The following ARHGAP15 variants were observed in gnomAD, a reference collection of about 807,000 sequenced individuals.
ARHGAP15 encodes Rho GTPase activating protein 15.
In ARHGAP15, 51 loss-of-function variants were observed where a neutral mutation model predicts 63.7. The observed-to-expected ratio is 0.80, with a 90% CI of 0.64 to 1.01. ARHGAP15 has a LOEUF of 1.01. Among genes scored for constraint, ARHGAP15 ranks in the 50% least tolerant of loss-of-function variants. ARHGAP15 has a pLI of 0.00. For missense variants in ARHGAP15, 560 were observed against 564.6 expected (o/e 0.99, Z 0.08); for synonymous variants, 191 against 193.8 (o/e 0.99, Z 0.12).
intron 6 of ARHGAP15, among the ~76,000 whole-genome samples, chr2:143,259,771 A>G (rs1371462062): frequency 6.6e-6 from 1 of 152,142 alleles, no homozygotes; most frequent in Non-Finnish European, 1.5e-5. Flanking sequence ...AGATACTTGG[A>G]TATCTTTTGT....
intron 8 of ARHGAP15, among the ~76,000 whole-genome samples, chr2:143,481,262 G>A (rs1183283546): frequency 6.6e-6 from 1 of 152,082 alleles, no homozygotes; most frequent in African/African-American, 2.4e-5. Flanking sequence ...CTACACTGAT[G>A]TTGATCTCAA....
chr2:143,324,469 C>A (rs76016924), intron 6 of ARHGAP15, among the ~76,000 whole-genome samples: 4,071 of 152,256 alleles, frequency 0.027, 177 homozygotes, highest in African/African-American at 0.094. Flanking sequence ...GGAAGAAATA[C>A]TTATTAGTTT....
At chr2:143,648,029 A>T (rs1199400183) in intron 12 of ARHGAP15, among the ~76,000 whole-genome samples, 1 of 152,040 alleles carries the variant, frequency 6.6e-6, no homozygotes, top group Non-Finnish European at 1.5e-5. Context: ...CAGAGGATTG[A>T]TACTGCAGCA....
chr2:143,510,690 C>T (rs925804069), intron 9 of ARHGAP15, among the ~76,000 whole-genome samples: 6 of 152,218 alleles, frequency 3.9e-5, no homozygotes, highest in Non-Finnish European at 5.9e-5. Context: ...AGCCAGAAAC[C>T]TTAATCAATA....
rs371835361 is a variant in ARHGAP15 at position 143,694,915 on chromosome 2, AT to A, written c.1139-8503del. On this transcript the variant is annotated intron_variant, in intron 12 of 13. Coordinates refer to ENST00000295095, the MANE Select transcript of ARHGAP15 (RefSeq NM_018460.4). The stretch of plus-strand genomic sequence containing the variant: ...AATTCACATTTTTCTTAATTGTGAT[AT>A]AGATCCTAGTTGTTTTCAAGTGAGT... 3.1e-3 allele frequency among the ~76,000 whole-genome samples: 468 copies of A among 152,344 alleles called. 3 individuals are homozygous for A. The highest frequency in any genetic ancestry group is 0.014 in the Middle Eastern group (4 of 294).
intron 6 of ARHGAP15, among the ~76,000 whole-genome samples, chr2:143,325,771 T>C (rs1340751651): frequency 6.6e-6 from 1 of 152,162 alleles, no homozygotes; most frequent in Non-Finnish European, 1.5e-5. Context: ...TGAACAGTGC[T>C]TCTATGTTGG....
At chr2:143,290,837 G>A (rs952141955) in intron 6 of ARHGAP15, among the ~76,000 whole-genome samples, 1 of 152,128 alleles carries the variant, frequency 6.6e-6, no homozygotes, top group Non-Finnish European at 1.5e-5. Context: ...GGGAAACACA[G>A]ATTACTCACT....
intron 6 of ARHGAP15, among the ~76,000 whole-genome samples, chr2:143,352,843 T>A (rs2105318118): frequency 6.6e-6 from 1 of 152,338 alleles, no homozygotes; most frequent in East Asian, 1.9e-4. Context: ...TTCTTCCACA[T>A]CCTTTGCGAA....
chr2:143,460,818 G>A (rs1385547350), intron 8 of ARHGAP15, among the ~76,000 whole-genome samples: 2 of 152,162 alleles, frequency 1.3e-5, no homozygotes, highest in African/African-American at 4.8e-5. Flanking sequence ...ACTTAGGAAA[G>A]GAACCCAGAG....
intron 6 of ARHGAP15, among the ~76,000 whole-genome samples, chr2:143,426,312 CAA>C (rs1470720135): frequency 1.3e-5 from 2 of 152,066 alleles, no homozygotes; most frequent in Non-Finnish European, 1.5e-5. Context: ...TAGATTTGCT[CAA>C]GTGTTCCCTT....
At chr2:143,509,715 G>A (rs1258381904) in intron 9 of ARHGAP15, among the ~76,000 whole-genome samples, 1 of 152,012 alleles carries the variant, frequency 6.6e-6, no homozygotes, top group Non-Finnish European at 1.5e-5. Flanking sequence ...AACAGAACTG[G>A]AGAAAATATA....
At chr2:143,689,721 A>C (rs1180442987) in intron 12 of ARHGAP15, among the ~76,000 whole-genome samples, 1 of 152,158 alleles carries the variant, frequency 6.6e-6, no homozygotes, top group Non-Finnish European at 1.5e-5. Flanking sequence ...CTAAAAGATA[A>C]AGTGCATAAA....
At chr2:143,188,812 G>A (rs1353354989) in intron 2 of ARHGAP15, among the ~76,000 whole-genome samples, 1 of 151,928 alleles carries the variant, frequency 6.6e-6, no homozygotes, top group Non-Finnish European at 1.5e-5. Flanking sequence ...CTTTAGTAGA[G>A]ATGGGGTTTC....
intron 11 of ARHGAP15, among the ~76,000 whole-genome samples, chr2:143,620,610 T>TTAAAC (rs1022337335): frequency 6.6e-6 from 1 of 152,204 alleles, no homozygotes; most frequent in Non-Finnish European, 1.5e-5. Flanking sequence ...CACAGTGATT[T>TTAAAC]TAAACATAGT....
At chr2:143,379,370 T>A (rs1686956273) in intron 6 of ARHGAP15, among the ~76,000 whole-genome samples, 1 of 151,990 alleles carries the variant, frequency 6.6e-6, no homozygotes, top group African/African-American at 2.4e-5. Context: ...TGTGTGTGTA[T>A]ACATTTGCCT....
In ARHGAP15 at chr2:143,228,672, A is replaced by C; in HGVS notation, c.384+4A>C. The C allele has an allele frequency of 6.5e-7, 1 of 1,534,686 alleles. No homozygotes were observed. The highest frequency in any genetic ancestry group is 8.8e-7 in the Non-Finnish European group (1 of 1,137,366). ...GCAACAGGCTCTGTCCAATATGGTA[A>C]GTAATTCTCTGTTTCTATTGTTAAA... On this transcript the variant is annotated splice_donor_region_variant and intron_variant, in intron 5 of 13. Coordinates refer to ENST00000295095, the MANE Select transcript of ARHGAP15 (RefSeq NM_018460.4).
At chr2:143,656,073 C>CTTAGT in intron 12 of ARHGAP15, 1 of 152,126 alleles carries the variant, frequency 6.6e-6, no homozygotes, top group African/African-American at 2.4e-5. Flanking sequence ...TATAATATTT[C>CTTAGT]TTAGTTATAA....
chr2:143,144,534 G>A (rs1294853819), intron 1 of ARHGAP15, among the ~76,000 whole-genome samples: 1 of 151,986 alleles, frequency 6.6e-6, no homozygotes, highest in African/African-American at 2.4e-5. Flanking sequence ...GGAGCTCTTT[G>A]GGGATTTCTT....
chr2:143,325,973 C>T (rs947316719), intron 6 of ARHGAP15, among the ~76,000 whole-genome samples: 1 of 152,098 alleles, frequency 6.6e-6, no homozygotes, highest in Admixed American at 6.5e-5. Flanking sequence ...CCGAAAATTC[C>T]ACACTATTTT....
Sources: gnomAD v4.1 joint callset for allele counts (sites outside exome capture counted in the v4.1 genomes callset) on GRCh38, gnomAD v4.1.1 for gene constraint, MANE v1.5 for transcripts, NCBI Gene and HGNC (gene_info 2026-07-23, HGNC 2026-07-21) for gene names.